The following TMEM185B variants were observed in gnomAD, a reference collection of about 807,000 sequenced individuals.
The protein encoded by TMEM185B is transmembrane protein 185B, also known as ee3_2.
Under a neutral mutation model 26.2 loss-of-function variants are expected in TMEM185B, and 9 were observed. The ratio of observed to expected loss-of-function variants is 0.34; its 90% CI spans 0.21 to 0.60. TMEM185B has a LOEUF of 0.60. Ranked by LOEUF, TMEM185B falls within the 20% of genes least tolerant of loss-of-function variation. TMEM185B has a pLI of 0.80. For missense variants in TMEM185B, 392 were observed against 447.9 expected (o/e 0.88, Z 1.13); for synonymous variants, 204 against 191.8 (o/e 1.06, Z -0.52).
At position 120,222,088 on chromosome 2, in the gene TMEM185B, A is replaced by G. The variant is rs1192991022; in HGVS notation, c.889T>C (p.Tyr297His). 6.4e-7 allele frequency: 1 copy of G among 1,550,798 alleles called. No individual in the cohort carries two copies. Among genetic ancestry groups the G allele is most frequent in the Non-Finnish European group, 8.7e-7 (1 of 1,148,142 alleles). The change falls in exon 1 of 1, where the codon TAT (tyrosine) becomes CAT (histidine). Residue 297 changes from tyrosine to histidine, a missense_variant. Physicochemically the swap from Tyr to His is moderately conservative, Grantham distance 83. Around this residue, in one of 3 missense-constraint regions of TMEM185B, gnomAD observed 176 missense variants for 201.6 expected, o/e 0.87. Coordinates refer to ENST00000426077, the MANE Select transcript of TMEM185B (RefSeq NM_024121.3). ...TCACTATCTTCGTGATGGAGATCAT[A>G]TGAAATGTTCCCATATTCTCTTAAA... ...PFLREYGNIS[Y>H]DLHHEDSEDA...
At position 120,218,826 on chromosome 2, in the gene TMEM185B, T is replaced by C. The variant is rs1004946780; in HGVS notation, c.*3098A>G. 3.9e-5 allele frequency among the ~76,000 whole-genome samples: 6 copies of C among 152,196 alleles called. No individual in the cohort carries two copies. ...CAAATCATGGATGATCTGCCACACA[T>C]TTTGCGACTCCTTGAGAACCATTTT... On this transcript the variant is annotated 3_prime_UTR_variant, in exon 1 of 1. Coordinates refer to ENST00000426077, the MANE Select transcript of TMEM185B (RefSeq NM_024121.3).
chr2:120,223,005 C>T lies in TMEM185B; in HGVS notation c.-29G>A. On this transcript the variant is annotated 5_prime_UTR_variant, in exon 1 of 1. Coordinates refer to ENST00000426077, the MANE Select transcript of TMEM185B (RefSeq NM_024121.3). The stretch of plus-strand genomic sequence containing the variant: ...GGAGGCCGCCGCTTGCCTGCCCGGG[C>T]CTGCTCCCTCGCGACGCTCGGCGCT... 2.9e-6 allele frequency: 4 copies of T among 1,371,354 alleles called. No homozygotes were observed. The highest frequency in any genetic ancestry group is 2.0e-4 in the Middle Eastern group (1 of 5,012). 84.9% of individuals were successfully genotyped at this position (1,371,354 alleles called of 1,614,324 possible).
Position 120,223,130 on chromosome 2 carries a change from C to G in TMEM185B, c.-154G>C, listed in dbSNP as rs930002808. ...ACGACCAGGAGGAGGTTCGGAGCGGCGAAGCGGAGAGGCCGGAACACGTGC... is the reference window on the plus strand; with the variant it reads ...ACGACCAGGAGGAGGTTCGGAGCGGGGAAGCGGAGAGGCCGGAACACGTGC... On this transcript the variant is annotated 5_prime_UTR_variant, in exon 1 of 1. Coordinates refer to ENST00000426077, the MANE Select transcript of TMEM185B (RefSeq NM_024121.3). 3.9e-6 allele frequency: 2 copies of G among 517,298 alleles called. No homozygotes were observed. The highest frequency in any genetic ancestry group is 4.0e-5 in the African/African-American group (2 of 50,174). The allele number at this position is 517,298 out of a possible 1,614,324, so 32.0% of individuals were successfully genotyped here. A position where few individuals can be genotyped will look rare whatever the true frequency, so the allele number is the denominator to read the frequency against.
chr2:120,222,332 G>C lies in TMEM185B; in HGVS notation c.645C>G (p.Ile215Met). The change falls in exon 1 of 1, where the codon ATC becomes ATG. Residue 215 changes from isoleucine (I) to methionine (M), a missense_variant. By Grantham distance (10) the Ile-to-Met change is conservative. Around this residue, in one of 3 missense-constraint regions of TMEM185B, gnomAD observed 176 missense variants for 201.6 expected, o/e 0.87. Transcript: ENST00000426077. ...GAGGCACGACAATCGTTATCCAACT[G>C]ATAGCCATGGTCACGTGTGTTCTCC... ...EQRRTHVTMA[I>M]SWITIVVPLL... 1 of 1,536,172 alleles carries C rather than the reference G, an allele frequency of 6.5e-7. No homozygotes were observed. Among genetic ancestry groups the C allele is most frequent in the South Asian group, 1.2e-5 (1 of 84,066 alleles).
Position 120,218,925 on chromosome 2 carries a change from C to T in TMEM185B, c.*2999G>A, listed in dbSNP as rs970943277. Among the ~76,000 whole-genome samples the T allele has an allele frequency of 6.6e-6, 1 of 152,188 alleles. No individual in the cohort carries two copies. Among genetic ancestry groups the T allele is most frequent in the Non-Finnish European group, 1.5e-5 (1 of 68,050 alleles). ...TTCCTTGGCCATGCACTGCCTCACC[C>T]CACAGAGGTCAGGCATGGCCATGTG... On this transcript the variant is annotated 3_prime_UTR_variant, in exon 1 of 1. Coordinates refer to ENST00000426077, the MANE Select transcript of TMEM185B (RefSeq NM_024121.3).
Position 120,218,453 on chromosome 2 carries a change from C to G in TMEM185B, c.*3471G>C, listed in dbSNP as rs1168734599. On this transcript the variant is annotated 3_prime_UTR_variant, in exon 1 of 1. Coordinates refer to ENST00000426077, the MANE Select transcript of TMEM185B (RefSeq NM_024121.3). ...ACTTGCTGGGCTTCATCCCATCTTT[C>G]CTGCCCGGCTGAATGACCTGTATCC... Among the ~76,000 whole-genome samples the G allele has an allele frequency of 6.6e-6, 1 of 152,220 alleles. No homozygotes were observed. Among genetic ancestry groups the G allele is most frequent in the Non-Finnish European group, 1.5e-5 (1 of 68,032 alleles).
rs1688584328 is a variant in TMEM185B, at chr2:120,221,403, C to T, written c.*521G>A. 6.5e-6 allele frequency: 1 copy of T among 152,832 alleles called. No individual in the cohort carries two copies. Among genetic ancestry groups the T allele is most frequent in the Non-Finnish European group, 1.5e-5 (1 of 68,598 alleles). 9.5% of individuals were successfully genotyped at this position (152,832 alleles called of 1,614,324 possible). A position where few individuals can be genotyped will look rare whatever the true frequency, so the allele number is the denominator to read the frequency against. ...ATGGGTTCATTCCATTAGAAAAATT[C>T]ACCTATCAGAATATTAAAGACCAGT... On this transcript the variant is annotated 3_prime_UTR_variant, in exon 1 of 1. Transcript: ENST00000426077.
In TMEM185B at chr2:120,220,556, C is replaced by A. The variant is rs1688569689; in HGVS notation, c.*1368G>T. On this transcript the variant is annotated 3_prime_UTR_variant, in exon 1 of 1. Transcript: ENST00000426077. ...GACCAGCCTGACCAACATGGAGAAA[C>A]CCTGTCTCTATTAAAAATACGAAAT... is the stretch of plus-strand genomic sequence containing the variant. Among the ~76,000 whole-genome samples, 1 of 152,176 alleles carries A rather than the reference C, an allele frequency of 6.6e-6. No homozygotes were observed.
rs1396328940 is a variant in TMEM185B, at chr2:120,220,388, A to G, written c.*1536T>C. On this transcript the variant is annotated 3_prime_UTR_variant, in exon 1 of 1. Coordinates refer to ENST00000426077, the MANE Select transcript of TMEM185B (RefSeq NM_024121.3). The stretch of plus-strand genomic sequence containing the variant: ...ATTTGTTCTCAAACATTACTCTTGC[A>G]GGATCCAGCTTCTGCCCTGATTCCC... Among the ~76,000 whole-genome samples, 1 of 152,226 alleles carries G rather than the reference A, an allele frequency of 6.6e-6. No homozygotes were observed. The highest frequency in any genetic ancestry group is 1.5e-5 in the Non-Finnish European group (1 of 68,040).
chr2:120,222,812 G>A lies in TMEM185B; in HGVS notation c.165C>T (p.Val55=), dbSNP rs570041847. The A allele has an allele frequency of 4.5e-5, 69 of 1,528,314 alleles. No homozygotes were observed. Among genetic ancestry groups the A allele is most frequent in the African/African-American group, 3.9e-4 (28 of 72,690 alleles). 94.7% of individuals were successfully genotyped at this position (1,528,314 alleles called of 1,614,324 possible). A position where few individuals can be genotyped will look rare whatever the true frequency, so the allele number is the denominator to read the frequency against. The change falls in exon 1 of 1, where the codon GTC becomes GTT. Residue 55 remains valine (V), a synonymous_variant. Transcript: ENST00000426077. ...APIWLWKLLV[V]AGASVGAGVW... ...CGCCCGCGCCCACGGAGGCGCCTGC[G>A]ACGACTAGAAGCTTCCACAGCCATA...
Position 120,222,205 on chromosome 2 carries a change from T to A in TMEM185B, c.772A>T (p.Met258Leu). 1 of 1,540,456 alleles carries A rather than the reference T, an allele frequency of 6.5e-7. No individual in the cohort carries two copies. Among genetic ancestry groups the A allele is most frequent in the Non-Finnish European group, 8.7e-7 (1 of 1,147,850 alleles). ...CCCTTTCGCCTAAATGTTGTGGCCA[T>A]TAAAGTTAGTAAGGAAAGCCAAAGG... ...VPLWLSLLTL[M>L]ATTFRRKGGN... Residue 258 changes from methionine (M) to leucine (L), a missense_variant, in exon 1 of 1, where the codon ATG becomes TTG. Met to Leu is a conservative substitution (Grantham distance 15). This residue lies in a region of TMEM185B where 176 missense variants were observed against 201.6 expected (regional missense o/e 0.87). Transcript: ENST00000426077.
Position 120,222,303 on chromosome 2 carries a change from A to G in TMEM185B, c.674T>C (p.Leu225Pro). 1 of 1,536,220 alleles carries G rather than the reference A, an allele frequency of 6.5e-7. No homozygotes were observed. ...ISWITIVVPL[L>P]TFEVLLVHRL... is the part of the protein sequence containing the mutation. Reference sequence around the variant, plus strand: ...GTGAACCAGCAGGACCTCAAAAGTGAGCAGAGGCACGACAATCGTTATCCA... The same window carrying G: ...GTGAACCAGCAGGACCTCAAAAGTGGGCAGAGGCACGACAATCGTTATCCA... Residue 225 changes from leucine to proline, a missense_variant, in exon 1 of 1, where the codon CTC becomes CCC. Physicochemically the swap from Leu to Pro is moderately conservative, Grantham distance 98 (BLOSUM62 -3). This residue lies in a region of TMEM185B where 176 missense variants were observed against 201.6 expected (regional missense o/e 0.87). Coordinates refer to ENST00000426077, the MANE Select transcript of TMEM185B (RefSeq NM_024121.3).
In TMEM185B at chr2:120,223,025, G is replaced by A; in HGVS notation, c.-49C>T. The A allele has an allele frequency of 7.7e-7, 1 of 1,296,300 alleles. No homozygotes were observed. Among genetic ancestry groups the A allele is most frequent in the Non-Finnish European group, 9.8e-7 (1 of 1,017,674 alleles). 80.3% of individuals were successfully genotyped at this position (1,296,300 alleles called of 1,614,324 possible). A position where few individuals can be genotyped will look rare whatever the true frequency, so the allele number is the denominator to read the frequency against. ...CCGGGCCTGCTCCCTCGCGACGCTC[G>A]GCGCTCGCGTCTCCGCGGCTTCTCC... is the stretch of plus-strand genomic sequence containing the variant. On this transcript the variant is annotated 5_prime_UTR_variant, in exon 1 of 1. Transcript: ENST00000426077.
In TMEM185B at chr2:120,222,241, T is replaced by C. The variant is rs985354827; in HGVS notation, c.736A>G (p.Ile246Val). 71 of 1,536,768 alleles carry C rather than the reference T, an allele frequency of 4.6e-5. No individual in the cohort carries two copies. Among genetic ancestry groups the C allele is most frequent in the Non-Finnish European group, 5.8e-5 (67 of 1,147,060 alleles). ...AAGGAAAGCCAAAGGGGGACAAATA[T>C]GGAGACGTAGGAGAATGTATTGTGG... ...DGHNTFSYVSIFVPLWLSLLT... is the reference protein window; with the variant it reads ...DGHNTFSYVSVFVPLWLSLLT... The change falls in exon 1 of 1, where the codon ATA becomes GTA. Residue 246 changes from isoleucine (I) to valine (V), a missense_variant. Ile to Val is a conservative substitution (Grantham distance 29). This residue lies in a region of TMEM185B where 176 missense variants were observed against 201.6 expected (regional missense o/e 0.87). Coordinates refer to ENST00000426077, the MANE Select transcript of TMEM185B (RefSeq NM_024121.3).
rs1688529898 is a variant in TMEM185B, at chr2:120,218,050, T to C, written c.*3874A>G. Among the ~76,000 whole-genome samples, 1 of 152,098 alleles carries C rather than the reference T, an allele frequency of 6.6e-6. No individual in the cohort carries two copies. The highest frequency in any genetic ancestry group is 1.5e-5 in the Non-Finnish European group (1 of 68,010). On this transcript the variant is annotated 3_prime_UTR_variant, in exon 1 of 1. Coordinates refer to ENST00000426077, the MANE Select transcript of TMEM185B (RefSeq NM_024121.3). Reference sequence around the variant, plus strand: ...TGCATCAGATAGCCAAGGAAAGTGGTGTAGTGGACTTTTGTCATCTGAACA... The same window carrying C: ...TGCATCAGATAGCCAAGGAAAGTGGCGTAGTGGACTTTTGTCATCTGAACA...
chr2:120,221,888 G>A lies in TMEM185B; in HGVS notation c.*36C>T. 1 of 1,450,826 alleles carries A rather than the reference G, an allele frequency of 6.9e-7. No homozygotes were observed. The highest frequency in any genetic ancestry group is 9.1e-7 in the Non-Finnish European group (1 of 1,099,670). 89.9% of individuals were successfully genotyped at this position (1,450,826 alleles called of 1,614,324 possible). On this transcript the variant is annotated 3_prime_UTR_variant, in exon 1 of 1. Transcript: ENST00000426077. ...TGAATGAACAAGAGGCGAAGGCCAA[G>A]TGGAGTCTGTGTGTGCCTGGGTCCT...
chr2:120,223,237 G>A lies in TMEM185B; in HGVS notation c.-261C>T. ...GGGCGGCGCGGCGGTTACAAACTGG[G>A]CGCTGCCTCGGTCCCGCCGCCGCCC... On this transcript the variant is annotated 5_prime_UTR_variant, in exon 1 of 1. Coordinates refer to ENST00000426077, the MANE Select transcript of TMEM185B (RefSeq NM_024121.3). 1 of 287,984 alleles carries A rather than the reference G, an allele frequency of 3.5e-6. No individual in the cohort carries two copies. The highest frequency in any genetic ancestry group is 6.4e-6 in the Non-Finnish European group (1 of 155,320). 17.8% of individuals were successfully genotyped at this position (287,984 alleles called of 1,614,324 possible).
chr2:120,223,266 T>G lies in TMEM185B; in HGVS notation c.-290A>C. On this transcript the variant is annotated 5_prime_UTR_variant, in exon 1 of 1. Transcript: ENST00000426077. ...TGCCTCGGTCCCGCCGCCGCCCGCG[T>G]TCACTCCGTACCCATCAAGAAGGCA... 4.1e-6 allele frequency: 1 copy of G among 246,438 alleles called. No individual in the cohort carries two copies. 15.3% of individuals were successfully genotyped at this position (246,438 alleles called of 1,614,324 possible). A position where few individuals can be genotyped will look rare whatever the true frequency, so the allele number is the denominator to read the frequency against.
rs749199927 is a variant in TMEM185B, at chr2:120,222,709, T to C, written c.268A>G (p.Ile90Val). ...TCGAACATGAGCAGCAGCAGGTGGATGCCCACAGCGATCAGCATGGCTTTG... is the reference window on the plus strand; with the variant it reads ...TCGAACATGAGCAGCAGCAGGTGGACGCCCACAGCGATCAGCATGGCTTTG... Reference protein sequence around the residue: ...EFKAMLIAVGIHLLLLMFEVL... With the variant: ...EFKAMLIAVGVHLLLLMFEVL... Residue 90 changes from isoleucine to valine, a missense_variant, in exon 1 of 1, where the codon ATC becomes GTC. Physicochemically the swap from Ile to Val is conservative, Grantham distance 29. Coordinates refer to ENST00000426077, the MANE Select transcript of TMEM185B (RefSeq NM_024121.3). 54 of 1,536,372 alleles carry C rather than the reference T, an allele frequency of 3.5e-5. No individual in the cohort carries two copies. Among genetic ancestry groups the C allele is most frequent in the Non-Finnish European group, 4.5e-5 (52 of 1,146,978 alleles).
Sources: gnomAD v4.1 joint callset for allele counts (sites outside exome capture counted in the v4.1 genomes callset) on GRCh38, gnomAD v4.1.1 for gene constraint, gnomAD v4.1.1 regional missense constraint, MANE v1.5 for transcripts, NCBI Gene and HGNC (gene_info 2026-07-23, HGNC 2026-07-21) for gene names.